The following GDPD4 variants were observed in gnomAD, a reference collection of about 807,000 sequenced individuals.
GDPD4 encodes the protein glycerophosphodiester phosphodiesterase domain containing 4, also known as glycerophosphodiester phosphodiesterase 6.
In GDPD4, 60 loss-of-function variants were observed where a neutral mutation model predicts 67.8. The ratio of observed to expected loss-of-function variants is 0.88; its 90% confidence interval spans 0.72 to 1.10. GDPD4 has a LOEUF of 1.10. Among genes scored for constraint, GDPD4 ranks in the 50% least tolerant of loss-of-function variants. GDPD4 has a pLI of 0.00. For synonymous variants in GDPD4, 212 were observed against 210.9 expected, an observed-to-expected ratio of 1.00 and a Z score of -0.04; for missense variants, 623 against 613.9, an observed-to-expected ratio of 1.01 and a Z score of -0.16.
At chr11:77,247,976 G>A (rs1034280799) in intron 11 of GDPD4, among the ~76,000 whole-genome samples, 16 of 150,310 alleles carry the variant, frequency 1.1e-4, no homozygotes, top group East Asian at 2.0e-4. Flanking sequence ...CGCTTGAACC[G>A]GGAGGCAGAG....
intron 1 of GDPD4, among the ~76,000 whole-genome samples, chr11:77,300,592 T>C (rs1370916307): frequency 2.0e-5 from 3 of 151,730 alleles, no homozygotes; most frequent in Non-Finnish European, 4.4e-5. Flanking sequence ...ACTGTAAAAG[T>C]TGATTAACTA....
Position 77,285,192 on chromosome 11 carries a change from GA to G in GDPD4, c.-50-6del, listed in dbSNP as rs1185037975. 1.4e-6 allele frequency: 2 copies of G among 1,410,050 alleles called. No homozygotes were observed. The highest frequency in any genetic ancestry group is 1.8e-5 in the Admixed American group (1 of 55,418). The allele number at this position is 1,410,050 out of a possible 1,614,324, so 87.3% of individuals were successfully genotyped here. On this transcript the variant is annotated splice_polypyrimidine_tract_variant and splice_region_variant and intron_variant, in intron 2 of 16. Coordinates refer to ENST00000315938, the MANE Select transcript of GDPD4 (RefSeq NM_182833.3). ...ACGGCAAAATAATTGCTCTTTCTGG[GA>G]AAAGAAAAAAGAAATCTAACTTAGC...
chr11:77,293,301 A>G (rs936979913), intron 1 of GDPD4, among the ~76,000 whole-genome samples: 1 of 152,252 alleles, frequency 6.6e-6, no homozygotes, highest in African/African-American at 2.4e-5. Flanking sequence ...TTCAAAAATC[A>G]ATCAACTTGG....
intron 14 of GDPD4, among the ~76,000 whole-genome samples, chr11:77,230,916 G>A (rs1205694952): frequency 6.6e-6 from 1 of 152,084 alleles, no homozygotes; most frequent in Non-Finnish European, 1.5e-5. Flanking sequence ...TGTGCTTTGG[G>A]GCTTGCTCTC....
chr11:77,230,261 A>T (rs1958427912), intron 14 of GDPD4, among the ~76,000 whole-genome samples: 2 of 152,178 alleles, frequency 1.3e-5, no homozygotes, highest in South Asian at 4.1e-4. Context: ...GTTCACAAAG[A>T]ATCAGTTATC....
rs140034925 is a variant in GDPD4, at chr11:77,281,855, C to T, written c.54-2456G>A. Among the ~76,000 whole-genome samples the T allele has an allele frequency of 8.0e-4, 121 of 152,072 alleles. 1 individual carries two copies. In the East Asian group the frequency reaches 0.017, roughly 22 times the overall value. ...CTCCCCCTAGGTACTGGCTTGATGG[C>T]GTACACAGCTTAGGCCTCTCCCTAA... On this transcript the variant is annotated intron_variant, in intron 3 of 16. Transcript: ENST00000315938.
intron 11 of GDPD4, among the ~76,000 whole-genome samples, chr11:77,256,150 T>G (rs1591551549): frequency 2.0e-5 from 3 of 152,320 alleles, no homozygotes; most frequent in Admixed American, 2.0e-4. Context: ...AAACTTTGGC[T>G]CAATTTTAGG....
chr11:77,229,223 A>C lies in GDPD4; in HGVS notation c.1399T>G (p.Phe467Val). The C allele has an allele frequency of 6.3e-7, 1 of 1,598,800 alleles. No homozygotes were observed. The highest frequency in any genetic ancestry group is 8.5e-7 in the Non-Finnish European group (1 of 1,171,672). Residue 467 changes from phenylalanine (F) to valine (V), a missense_variant, in exon 15 of 17, where the codon TTC becomes GTC. Coordinates refer to ENST00000315938, the MANE Select transcript of GDPD4 (RefSeq NM_182833.3). Reference protein sequence around the residue: ...DHPHFFMTPKFYVFMWLLADI... With the variant: ...DHPHFFMTPKVYVFMWLLADI... The stretch of plus-strand genomic sequence containing the variant: ...GCAAGGAGCCACATGAACACATAGA[A>C]CTTTGGTGTCTGAAAAACATAAACC...
intron 12 of GDPD4, among the ~76,000 whole-genome samples, chr11:77,244,871 G>A (rs911180180): frequency 1.3e-5 from 2 of 152,108 alleles, no homozygotes; most frequent in South Asian, 2.1e-4. Context: ...AAAACATTAC[G>A]AGCAAATCTC....
chr11:77,232,949 G>T lies in GDPD4; in HGVS notation c.1389+76C>A. On this transcript the variant is annotated intron_variant, in intron 14 of 16. Coordinates refer to ENST00000315938, the MANE Select transcript of GDPD4 (RefSeq NM_182833.3). ...AAGTGGCTGCCCAGGGGATGGCACA[G>T]TGGGCAACACAGGGCTGGGGGGCCT... is the stretch of plus-strand genomic sequence containing the variant. The T allele has an allele frequency of 2.9e-6, 4 of 1,392,268 alleles. No homozygotes were observed. The Admixed American group carries it at 7.0e-5, about 24-fold the overall frequency. 86.2% of individuals were successfully genotyped at this position (1,392,268 alleles called of 1,614,324 possible).
chr11:77,258,195 A>G (rs1404753971), intron 11 of GDPD4, among the ~76,000 whole-genome samples, 191 bp downstream of exon 11: 1 of 152,244 alleles, frequency 6.6e-6, no homozygotes, highest in Non-Finnish European at 1.5e-5. Context: ...TAGTGAATGT[A>G]GAAAGCAGCA....
chr11:77,298,098 GTT>G (rs925796100), intron 1 of GDPD4, among the ~76,000 whole-genome samples: 1 of 147,854 alleles, frequency 6.8e-6, no homozygotes, highest in African/African-American at 2.5e-5. Flanking sequence ...TTGTTGTTTC[GTT>G]TTTTTAAAAA....
intron 14 of GDPD4, among the ~76,000 whole-genome samples, chr11:77,230,019 A>T (rs889872501): frequency 6.6e-5 from 10 of 152,138 alleles, no homozygotes; most frequent in African/African-American, 2.4e-4. Context: ...TGAATAATAA[A>T]ATTAATAACA....
At chr11:77,284,785 A>G (rs1009214503) in intron 3 of GDPD4, among the ~76,000 whole-genome samples, 3 of 152,204 alleles carry the variant, frequency 2.0e-5, no homozygotes, top group Non-Finnish European at 4.4e-5. Context: ...AAGAAAAGAT[A>G]CCAGGGAATC....
chr11:77,257,403 G>A (rs1959021873), intron 11 of GDPD4, among the ~76,000 whole-genome samples: 2 of 152,028 alleles, frequency 1.3e-5, no homozygotes, highest in Admixed American at 1.3e-4. Context: ...AACACTCAAG[G>A]ATAATTCTAA....
At chr11:77,288,297 AC>A (rs1960074801) in intron 1 of GDPD4, among the ~76,000 whole-genome samples, 2 of 152,226 alleles carry the variant, frequency 1.3e-5, no homozygotes, top group South Asian at 4.2e-4. Flanking sequence ...TGCCCTGCAC[AC>A]TGCTAACACT....
intron 13 of GDPD4, among the ~76,000 whole-genome samples, chr11:77,233,669 T>TA (rs2135831650): frequency 6.6e-6 from 1 of 152,276 alleles, no homozygotes; most frequent in Admixed American, 6.5e-5. Flanking sequence ...ATCAGAGCAC[T>TA]TATCACCCCG....
chr11:77,269,096 TG>T, intron 8 of GDPD4, 27 bp from the exon 9 acceptor site: 1 of 1,605,740 alleles, frequency 6.2e-7, no homozygotes, highest in Non-Finnish European at 8.5e-7. Flanking sequence ...GAAGGGGAAG[TG>T]GGGGAAAAAG....
chr11:77,230,710 T>A (rs548064755), intron 14 of GDPD4, among the ~76,000 whole-genome samples: 2 of 152,308 alleles, frequency 1.3e-5, no homozygotes, highest in South Asian at 4.1e-4. Context: ...GTATGTGGCA[T>A]ACTGTTTATA....
Sources: gnomAD v4.1 joint callset for allele counts (sites outside exome capture counted in the v4.1 genomes callset) on GRCh38, gnomAD v4.1.1 for gene constraint, MANE v1.5 for transcripts, NCBI Gene and HGNC (gene_info 2026-07-23, HGNC 2026-07-21) for gene names.